Variants in TGM7 observed in about 807,000 individuals in gnomAD.
TGM7 encodes the protein transglutaminase 7.
A neutral mutation model predicts 79.5 loss-of-function variants in TGM7; 74 were observed. That is an observed-to-expected ratio of 0.93 (90% CI 0.77 to 1.13). TGM7 has a LOEUF of 1.13. Ranked by LOEUF, TGM7 falls within the 50% of genes most tolerant of loss-of-function variation. The pLI is 0.00. For missense variants in TGM7, 912 were observed against 905.9 expected (o/e 1.01, Z -0.09); for synonymous variants, 354 against 362.5 (o/e 0.98, Z 0.27).
At position 43,282,065 on chromosome 15, in the gene TGM7, G is replaced by T. The variant is rs764432955; in HGVS notation, c.1130C>A (p.Ala377Asp). ...CCCTTCCCTGATGGCCTTCACAGAGGCAGGGCCACAGCAGAACAGCCCTGT... is the reference window on the plus strand; with the variant it reads ...CCCTTCCCTGATGGCCTTCACAGAGTCAGGGCCACAGCAGAACAGCCCTGT... ...TSSGLFCCGP[A>D]SVKAIREGDV... is the part of the protein sequence containing the mutation. Residue 377 changes from alanine (A) to aspartate (D), a missense_variant, in exon 9 of 13, where the codon GCC becomes GAC. By Grantham distance (126) the Ala-to-Asp change is moderately radical. Transcript: ENST00000452443. 6.2e-7 allele frequency: 1 copy of T among 1,614,140 alleles called. No individual in the cohort carries two copies. The highest frequency in any genetic ancestry group is 1.7e-5 in the Admixed American group (1 of 60,022).
In TGM7 at chr15:43,292,003, G is replaced by C. The variant is rs188653345; in HGVS notation, c.534C>G (p.Thr178=). 5 of 1,613,850 alleles carry C rather than the reference G, an allele frequency of 3.1e-6. No individual in the cohort carries two copies. The highest frequency in any genetic ancestry group is 4.2e-6 in the Non-Finnish European group (5 of 1,179,922). Residue 178 remains threonine (T), a synonymous_variant, in exon 4 of 13, where the codon ACC becomes ACG. Coordinates refer to ENST00000452443, the MANE Select transcript of TGM7 (RefSeq NM_052955.3). ...FVYKGHERFI[T]SWPWNYGQFE... ...CCTGCCCGTAGTTCCAGGGCCAGGA[G>C]GTGATGAATCTTTCATGACCCTTGT...
intron 1 of TGM7, among the ~76,000 whole-genome samples, chr15:43,296,843 C>T (rs2142421786): frequency 6.6e-6 from 1 of 152,180 alleles, no homozygotes; most frequent in Non-Finnish European, 1.5e-5. Flanking sequence ...TTTTTTATTC[C>T]ACTCCACTGA....
chr15:43,292,595 C>T (rs1449346509), intron 3 of TGM7, 114 bp downstream of exon 3: 47 of 1,311,564 alleles, frequency 3.6e-5, no homozygotes, highest in Non-Finnish European at 4.3e-5. Flanking sequence ...TGAGAGCACA[C>T]GCTACTACAT....
intron 7 of TGM7, 55 bp from the exon 8 acceptor site, chr15:43,282,675 A>G (rs2142405482): frequency 7.3e-7 from 1 of 1,360,592 alleles, no homozygotes. Context: ...TTTGCCAGGT[A>G]CCAGGCACTA....
At chr15:43,298,855 A>C (rs1260585483) in intron 1 of TGM7, among the ~76,000 whole-genome samples, 1 of 152,204 alleles carries the variant, frequency 6.6e-6, no homozygotes, top group Non-Finnish European at 1.5e-5. Flanking sequence ...AAAAAATAAT[A>C]ATTTGTGTAC....
Position 43,278,961 on chromosome 15 carries a change from C to T in TGM7, c.1839+156G>A, listed in dbSNP as rs182556673. On this transcript the variant is annotated intron_variant, in intron 11 of 12. Transcript: ENST00000452443. ...TTGAGAAGCCTTCATGCCCCTCCAA[C>T]CCCACGCTGGTACAGAGCACTAGAC... 8.5e-5 allele frequency among the ~76,000 whole-genome samples: 13 copies of T among 152,346 alleles called. No homozygotes were observed. In the East Asian group the frequency reaches 2.5e-3, roughly 29 times the overall value.
At position 43,293,595 on chromosome 15, in the gene TGM7, C is replaced by T; in HGVS notation, c.47G>A (p.Ser16Asn). ...TLRLESVDLQ[S>N]SRNNKEHHTQ... ...GTGGTGCTCCTTGTTGTTCCTGGAG[C>T]TCTGCAGGTCGACAGACTCAAGCCG... Residue 16 changes from serine to asparagine, a missense_variant, in exon 2 of 13, where the codon AGC becomes AAC. Physicochemically the swap from Ser to Asn is conservative, Grantham distance 46 (BLOSUM62 1). Coordinates refer to ENST00000452443, the MANE Select transcript of TGM7 (RefSeq NM_052955.3). 1.2e-6 allele frequency: 2 copies of T among 1,609,424 alleles called. No individual in the cohort carries two copies. Among genetic ancestry groups the T allele is most frequent in the Non-Finnish European group, 1.7e-6 (2 of 1,179,128 alleles).
At position 43,284,901 on chromosome 15, in the gene TGM7, G is replaced by A. The variant is rs774430523; in HGVS notation, c.917C>T (p.Ala306Val). The stretch of plus-strand genomic sequence containing the variant: ...GGTCAAGTTCCTATCCACGTTGTGC[G>A]CGGAACGGAAATTGGAAACAACACG... ...PTRVVSNFRS[A>V]HNVDRNLTID... is the part of the protein sequence containing the mutation. The change falls in exon 7 of 13, where the codon GCG becomes GTG. Residue 306 changes from alanine to valine, a missense_variant. Physicochemically the swap from Ala to Val is moderately conservative, Grantham distance 64 (BLOSUM62 0). Coordinates refer to ENST00000452443, the MANE Select transcript of TGM7 (RefSeq NM_052955.3). The A allele has an allele frequency of 4.3e-6, 7 of 1,614,160 alleles. No homozygotes were observed. The highest frequency in any genetic ancestry group is 1.7e-5 in the Admixed American group (1 of 60,016).
chr15:43,281,918 C>T lies in TGM7; in HGVS notation c.1277G>A (p.Gly426Glu), dbSNP rs1056914108. ...CACCATCTTAGTGCTGATCTCCTTC[C>T]CGATGGAACTGGTGTTGTGGGCCAG... ...EILAHNTSSI[G>E]KEISTKMVGS... Residue 426 changes from glycine (G) to glutamate (E), a missense_variant, in exon 9 of 13, where the codon GGG (glycine) becomes GAG (glutamate). By Grantham distance (98) the Gly-to-Glu change is moderately conservative. Coordinates refer to ENST00000452443, the MANE Select transcript of TGM7 (RefSeq NM_052955.3). The T allele has an allele frequency of 6.2e-7, 1 of 1,614,086 alleles. No individual in the cohort carries two copies. The highest frequency in any genetic ancestry group is 8.5e-7 in the Non-Finnish European group (1 of 1,180,040).
At position 43,279,207 on chromosome 15, in the gene TGM7, G is replaced by T; in HGVS notation, c.1749C>A (p.Arg583=). The T allele has an allele frequency of 6.2e-7, 1 of 1,614,184 alleles. No homozygotes were observed. Among genetic ancestry groups the T allele is most frequent in the Non-Finnish European group, 8.5e-7 (1 of 1,180,024 alleles). Residue 583 remains arginine, a synonymous_variant, in exon 11 of 13, where the codon CGC becomes CGA. Coordinates refer to ENST00000452443, the MANE Select transcript of TGM7 (RefSeq NM_052955.3). ...RNKLTDEKLI[R]VSGIAEVEET... Reference sequence around the variant, plus strand: ...CTTCAACCTCCGCGATGCCAGACACGCGGATGAGCTTTTCGTCCGTTAGCT... The same window carrying T: ...CTTCAACCTCCGCGATGCCAGACACTCGGATGAGCTTTTCGTCCGTTAGCT...
At chr15:43,280,322 G>A (rs1156323674) in intron 9 of TGM7, among the ~76,000 whole-genome samples, 4 of 152,044 alleles carry the variant, frequency 2.6e-5, no homozygotes, top group Admixed American at 6.6e-5. Flanking sequence ...ATATATGCTC[G>A]AAACATAAAA....
intron 1 of TGM7, among the ~76,000 whole-genome samples, chr15:43,297,628 A>AGAAG (rs2043005690): frequency 6.6e-6 from 1 of 151,656 alleles, no homozygotes; most frequent in African/African-American, 2.4e-5. Flanking sequence ...AAAGAAAGAA[A>AGAAG]GAAAGAAAAA....
chr15:43,278,518 T>A (rs1419248496), intron 11 of TGM7, among the ~76,000 whole-genome samples: 2 of 152,210 alleles, frequency 1.3e-5, no homozygotes, highest in East Asian at 1.9e-4. Context: ...TGGAGTGAAG[T>A]GGCATGATCT....
intron 9 of TGM7, 68 bp downstream of exon 9, chr15:43,281,776 G>A (rs55829448): frequency 6.3e-7 from 1 of 1,579,856 alleles, no homozygotes; most frequent in African/African-American, 1.3e-5. Context: ...TCAACTTGGA[G>A]CCATCCCAGC....
At chr15:43,290,405 T>C (rs1215342668) in intron 4 of TGM7, among the ~76,000 whole-genome samples, 1 of 152,242 alleles carries the variant, frequency 6.6e-6, no homozygotes, top group Admixed American at 6.5e-5. Flanking sequence ...GAGGGCTCTG[T>C]TCTGTTCCAT....
At chr15:43,282,310 G>A (rs1162286385) in intron 8 of TGM7, among the ~76,000 whole-genome samples, 1 of 152,218 alleles carries the variant, frequency 6.6e-6, no homozygotes, top group Non-Finnish European at 1.5e-5. Flanking sequence ...GGACACAACT[G>A]AGGCTCAGTG....
chr15:43,285,928 C>T (rs1489537498), intron 6 of TGM7, among the ~76,000 whole-genome samples: 1 of 152,148 alleles, frequency 6.6e-6, no homozygotes, highest in Non-Finnish European at 1.5e-5. Context: ...AGGTGTGACC[C>T]TGAGGGGACG....
intron 1 of TGM7, among the ~76,000 whole-genome samples, chr15:43,301,202 C>T (rs1010751239): frequency 6.1e-4 from 93 of 151,932 alleles, no homozygotes; most frequent in Non-Finnish European, 1.2e-3. Flanking sequence ...AGGCTGGTCT[C>T]GAACTCCTCA....
intron 10 of TGM7, 102 bp downstream of exon 10, chr15:43,279,523 G>C (rs1207558320): frequency 4.0e-5 from 55 of 1,389,358 alleles, no homozygotes; most frequent in Non-Finnish European, 5.3e-5. Flanking sequence ...GTGTGTTGGA[G>C]GAAGGGGTCT....
Sources: allele counts gnomAD v4.1 joint callset (sites outside exome capture counted in the v4.1 genomes callset), GRCh38; gene constraint gnomAD v4.1.1; transcripts MANE v1.5; gene names NCBI Gene and HGNC (gene_info 2026-07-23, HGNC 2026-07-21).